The following PIAS3 variants were observed in gnomAD, a reference collection of about 807,000 sequenced individuals.
The protein encoded by PIAS3 is E3 SUMO-protein ligase PIAS3.
A neutral mutation model predicts 67.6 loss-of-function variants in PIAS3; 34 were observed. The ratio of observed to expected loss-of-function variants is 0.50; its 90% confidence interval spans 0.38 to 0.67. The LOEUF (loss-of-function observed/expected upper bound fraction) is 0.67. Among genes scored for constraint, PIAS3 ranks in the 30% least tolerant of loss-of-function variants. The probability of loss-of-function intolerance (pLI) is 0.00; values close to 1 mark genes in which losing one functional copy is unlikely to be tolerated. For synonymous variants in PIAS3, 341 were observed against 313.8 expected (o/e 1.09, Z -0.92); for missense variants, 693 against 791.6 (o/e 0.88, Z 1.49).
intron 2 of PIAS3, 47 bp downstream of exon 2, chr1:145,856,542 G>C (rs1031951381): frequency 6.3e-7 from 1 of 1,590,754 alleles, no homozygotes; most frequent in Non-Finnish European, 8.6e-7. Context: ...AATGTTTGGG[G>C]AACAGGTAGG....
In PIAS3 at chr1:145,849,463, T is replaced by C. The variant is rs1248832000; in HGVS notation, c.1870A>G (p.Ile624Val). 3 of 1,505,826 alleles carry C rather than the reference T, an allele frequency of 2.0e-6. No homozygotes were observed. Among genetic ancestry groups the C allele is most frequent in the Non-Finnish European group, 2.7e-6 (3 of 1,131,616 alleles). The allele number at this position is 1,505,826 out of a possible 1,614,324, so 93.3% of individuals were successfully genotyped here. ...CAGGGAACTCAGTCCAGGGAAATGA[T>C]GTCTGACCGACAGCCAGTCAAAGAG... is the stretch of plus-strand genomic sequence containing the variant. ...GPSLTGCRSD[I>V]ISLD Residue 624 changes from isoleucine (I) to valine (V), a missense_variant, in exon 14 of 14, where the codon ATC becomes GTC. Coordinates refer to ENST00000393045, the MANE Select transcript of PIAS3 (RefSeq NM_006099.3).
rs1553734825 is a variant in PIAS3 at position 145,853,605 on chromosome 1, G to A, written c.1044C>T (p.Ser348=). 6.2e-7 allele frequency: 1 copy of A among 1,614,060 alleles called. No homozygotes were observed. The highest frequency in any genetic ancestry group is 8.5e-7 in the Non-Finnish European group (1 of 1,180,002). Residue 348 remains serine (S), a synonymous_variant, in exon 9 of 14, where the codon AGC becomes AGT. Transcript: ENST00000393045. ...CRALTCAHLQ[S]FDAALYLQMN... ...TCTGTAGATAAAGGGCAGCATCGAA[G>A]CTCTGCAGGTGGGCGCAGGTGAGGG...
rs1553733845 is a variant in PIAS3, at chr1:145,850,248, A to T, written c.1604T>A (p.Leu535His). ...ACCACTTACCTGACTCTCTGTCTGA[A>T]GAAATGAAAATAAATCTAAACCTGG... ...DIQGLDLFSF[L>H]QTESQHYGPS... The change falls in exon 13 of 14, where the codon CTT (leucine) becomes CAT (histidine). Residue 535 changes from leucine (L) to histidine (H), a missense_variant. By Grantham distance (99) the Leu-to-His change is moderately conservative. This residue lies in a region of PIAS3 where 270 missense variants were observed against 261.0 expected (regional missense o/e 1.03). Coordinates refer to ENST00000393045, the MANE Select transcript of PIAS3 (RefSeq NM_006099.3). 1.2e-6 allele frequency: 2 copies of T among 1,614,234 alleles called. No homozygotes were observed. The highest frequency in any genetic ancestry group is 4.5e-5 in the East Asian group (2 of 44,892).
In PIAS3 at chr1:145,856,844, G is replaced by C; in HGVS notation, c.187C>G (p.Arg63Gly). 6.2e-7 allele frequency: 1 copy of C among 1,614,136 alleles called. No individual in the cohort carries two copies. The highest frequency in any genetic ancestry group is 8.5e-7 in the Non-Finnish European group (1 of 1,180,010). ...VQMKIKELYR[R>G]RFPRKTLGPS... ...CCCAGGGTCTTCCGGGGAAAGCGTC[G>C]TCGGTAAAGCTCTTTGATCTTCATC... Residue 63 changes from arginine (R) to glycine (G), a missense_variant, in exon 2 of 14, where the codon CGA (arginine) becomes GGA (glycine). Arg to Gly is a moderately radical substitution (Grantham distance 125). Coordinates refer to ENST00000393045, the MANE Select transcript of PIAS3 (RefSeq NM_006099.3).
intron 2 of PIAS3, 72 bp downstream of exon 2, chr1:145,856,517 G>A: frequency 1.3e-6 from 2 of 1,594,694 alleles, no homozygotes; most frequent in South Asian, 2.2e-5. Context: ...GATCCCATAG[G>A]ACTAAAGCCT....
intron 8 of PIAS3, 23 bp from the exon 9 acceptor site, chr1:145,853,687 G>C: frequency 1.9e-6 from 3 of 1,612,450 alleles, no homozygotes; most frequent in Non-Finnish European, 2.5e-6. Context: ...AAGTTCTCTT[G>C]TCAGAGGCCC....
intron 9 of PIAS3, among the ~76,000 whole-genome samples, chr1:145,851,655 C>CAAAA (rs1188623126): frequency 4.8e-5 from 2 of 41,786 alleles, no homozygotes; most frequent in Admixed American, 2.4e-4. Context: ...GGCTCTGCCT[C>CAAAA]AAAAAAAAAA....
intron 1 of PIAS3, among the ~76,000 whole-genome samples, chr1:145,858,136 C>T (rs1485321329): frequency 2.0e-5 from 3 of 152,122 alleles, no homozygotes; most frequent in African/African-American, 7.2e-5. Context: ...AGAAGACTCC[C>T]TTCTGTGAAT....
chr1:145,848,610 C>T lies in PIAS3; in HGVS notation c.*836G>A, dbSNP rs782785172. The T allele has an allele frequency of 1.8e-4, 125 of 691,920 alleles. No individual in the cohort carries two copies. The highest frequency in any genetic ancestry group is 2.7e-4 in the Non-Finnish European group (112 of 412,892). 42.9% of individuals were successfully genotyped at this position (691,920 alleles called of 1,614,324 possible). A position where few individuals can be genotyped will look rare whatever the true frequency, so the allele number is the denominator to read the frequency against. On this transcript the variant is annotated 3_prime_UTR_variant, in exon 14 of 14. Coordinates refer to ENST00000393045, the MANE Select transcript of PIAS3 (RefSeq NM_006099.3). ...TTACAACATAGGTCCTAGGCCTTGGCGAGCCTGAAAAAGAAGATTGGGAAG... is the reference window on the plus strand; with the variant it reads ...TTACAACATAGGTCCTAGGCCTTGGTGAGCCTGAAAAAGAAGATTGGGAAG...
At position 145,848,758 on chromosome 1, in the gene PIAS3, T is replaced by G; in HGVS notation, c.*688A>C. 6.0e-6 allele frequency: 2 copies of G among 331,958 alleles called. No homozygotes were observed. The highest frequency in any genetic ancestry group is 1.1e-5 in the Non-Finnish European group (2 of 181,396). 20.6% of individuals were successfully genotyped at this position (331,958 alleles called of 1,614,324 possible). A position where few individuals can be genotyped will look rare whatever the true frequency, so the allele number is the denominator to read the frequency against. On this transcript the variant is annotated 3_prime_UTR_variant, in exon 14 of 14. Coordinates refer to ENST00000393045, the MANE Select transcript of PIAS3 (RefSeq NM_006099.3). ...AACACTGTGAACTTAGATATATAAA[T>G]AGAGAGAGACCCAAGCAATAGGCCG... is the stretch of plus-strand genomic sequence containing the variant.
Position 145,856,376 on chromosome 1 carries a change from G to A in PIAS3, c.498C>T (p.Pro166=), listed in dbSNP as rs1204573823. 1.9e-6 allele frequency: 3 copies of A among 1,613,832 alleles called. No homozygotes were observed. The highest frequency in any genetic ancestry group is 2.5e-6 in the Non-Finnish European group (3 of 1,179,872). ...ATGTAAGAATCTGCTGCACTTGCTGGGGTGTGAGGGCAAAGGTAAAGTGCG... is the reference window on the plus strand; with the variant it reads ...ATGTAAGAATCTGCTGCACTTGCTGAGGTGTGAGGGCAAAGGTAAAGTGCG... ...EEAHFTFALT[P]QQVQQILTSR... The change falls in exon 3 of 14, where the codon CCC becomes CCT. Residue 166 remains proline (P), a synonymous_variant. Coordinates refer to ENST00000393045, the MANE Select transcript of PIAS3 (RefSeq NM_006099.3).
At position 145,854,807 on chromosome 1, in the gene PIAS3, G is replaced by C. The variant is rs781893913; in HGVS notation, c.743C>G (p.Ala248Gly). 4 of 1,614,230 alleles carry C rather than the reference G, an allele frequency of 2.5e-6. No individual in the cohort carries two copies. Among genetic ancestry groups the C allele is most frequent in the Non-Finnish European group, 2.5e-6 (3 of 1,180,034 alleles). The change falls in exon 6 of 14, where the codon GCT becomes GGT. Residue 248 changes from alanine to glycine, a missense_variant. By Grantham distance (60) the Ala-to-Gly change is moderately conservative. Coordinates refer to ENST00000393045, the MANE Select transcript of PIAS3 (RefSeq NM_006099.3). ...GTTGGGAACAGTGGCTGAGAGTCGA[G>C]CCAGGGGTGTGATGTTGATGGGGCG... is the stretch of plus-strand genomic sequence containing the variant. ...PSRPINITPL[A>G]RLSATVPNTI...
rs1553735759 is a variant in PIAS3 at position 145,856,913 on chromosome 1, T to C, written c.118A>G (p.Lys40Glu). Residue 40 changes from lysine to glutamate, a missense_variant, in exon 2 of 14, where the codon AAG (lysine) becomes GAG (glutamate). This residue lies in a region of PIAS3 where 308 missense variants were observed against 348.8 expected (regional missense o/e 0.88). Transcript: ENST00000393045. ...CTGGACTTCAGGAGGTGCAGAGCCTTGGCCAGGAGCTCGTGCTTCCGTCCA... is the reference window on the plus strand; with the variant it reads ...CTGGACTTCAGGAGGTGCAGAGCCTCGGCCAGGAGCTCGTGCTTCCGTCCA... ...KSGRKHELLA[K>E]ALHLLKSSCA... 1 of 1,614,146 alleles carries C rather than the reference T, an allele frequency of 6.2e-7. No individual in the cohort carries two copies.
chr1:145,854,391 G>A lies in PIAS3; in HGVS notation c.910+67C>T, dbSNP rs1161801467. On this transcript the variant is annotated intron_variant, in intron 7 of 13. Coordinates refer to ENST00000393045, the MANE Select transcript of PIAS3 (RefSeq NM_006099.3). ...AAAAAAGAGGTATGGGTTTAATTATGAAGGCTGGAGGGCCAGGAAGACTTG... is the reference window on the plus strand; with the variant it reads ...AAAAAAGAGGTATGGGTTTAATTATAAAGGCTGGAGGGCCAGGAAGACTTG... The A allele has an allele frequency of 3.6e-6, 4 of 1,113,030 alleles. No homozygotes were observed. The African/African-American group carries it at 6.1e-5, about 17-fold the overall frequency. 68.9% of individuals were successfully genotyped at this position (1,113,030 alleles called of 1,614,324 possible). A position where few individuals can be genotyped will look rare whatever the true frequency, so the allele number is the denominator to read the frequency against.
At position 145,853,552 on chromosome 1, in the gene PIAS3, C is replaced by T. The variant is rs782809022; in HGVS notation, c.1097G>A (p.Cys366Tyr). The part of the protein sequence containing the change: ...QMNEKKPTWT[C>Y]PVCDKKAPYE... The stretch of plus-strand genomic sequence containing the variant: ...GGGAGCCTTCTTGTCACACACAGGA[C>T]ATGTCCATGTAGGCTTCTTCTCATT... Residue 366 changes from cysteine (C) to tyrosine (Y), a missense_variant, in exon 9 of 14, where the codon TGT becomes TAT. Physicochemically the swap from Cys to Tyr is radical, Grantham distance 194 (BLOSUM62 -2). Transcript: ENST00000393045. 4 of 1,613,962 alleles carry T rather than the reference C, an allele frequency of 2.5e-6. No individual in the cohort carries two copies.
intron 1 of PIAS3, chr1:145,857,229 G>A (rs888479325): frequency 1.0e-5 from 6 of 572,610 alleles, no homozygotes; most frequent in Non-Finnish European, 9.4e-6. Flanking sequence ...CACCACCCCC[G>A]AGCTTGAGCA....
At position 145,849,320 on chromosome 1, in the gene PIAS3, G is replaced by A. The variant is rs1372731814; in HGVS notation, c.*126C>T. 6 of 952,210 alleles carry A rather than the reference G, an allele frequency of 6.3e-6. No individual in the cohort carries two copies. Among genetic ancestry groups the A allele is most frequent in the Non-Finnish European group, 7.2e-6 (5 of 696,048 alleles). 59.0% of individuals were successfully genotyped at this position (952,210 alleles called of 1,614,324 possible). A position where few individuals can be genotyped will look rare whatever the true frequency, so the allele number is the denominator to read the frequency against. On this transcript the variant is annotated 3_prime_UTR_variant, in exon 14 of 14. Coordinates refer to ENST00000393045, the MANE Select transcript of PIAS3 (RefSeq NM_006099.3). ...CAGGCAGAGATGAGGCCAAAAGTAG[G>A]CATCTGTGAAGGTCTGTCTGGCCCT...
chr1:145,856,436 G>A lies in PIAS3; in HGVS notation c.443-5C>T, dbSNP rs1653187668. On this transcript the variant is annotated splice_region_variant and splice_polypyrimidine_tract_variant and intron_variant, in intron 2 of 13. Transcript: ENST00000393045. ...ACCGCTGGCTAGAAGTGGATGCTGA[G>A]GATACAAAGGGGCAGTTATTCCAAG... The A allele has an allele frequency of 6.2e-7, 1 of 1,613,824 alleles. No individual in the cohort carries two copies. The highest frequency in any genetic ancestry group is 8.5e-7 in the Non-Finnish European group (1 of 1,179,708).
chr1:145,850,110 C>T (rs1652895788), intron 13 of PIAS3, 122 bp downstream of exon 13: 1 of 1,559,032 alleles, frequency 6.4e-7, no homozygotes, highest in Non-Finnish European at 8.6e-7. Flanking sequence ...TACCTACACC[C>T]CACTGCCCTC....
Sources: gnomAD v4.1 joint callset for allele counts (sites outside exome capture counted in the v4.1 genomes callset) on GRCh38, gnomAD v4.1.1 for gene constraint, gnomAD v4.1.1 regional missense constraint, MANE v1.5 for transcripts, NCBI Gene and HGNC (gene_info 2026-07-23, HGNC 2026-07-21) for gene names.